Variants in SPTLC1 observed in about 807,000 individuals in gnomAD.
The protein encoded by SPTLC1 is serine palmitoyltransferase 1.
Under a neutral mutation model 68.9 loss-of-function variants are expected in SPTLC1, and 55 were observed. The observed-to-expected ratio is 0.80, with a 90% confidence interval of 0.64 to 1.00. SPTLC1 has a LOEUF of 1.00. Among genes scored for constraint, SPTLC1 ranks in the 50% least tolerant of loss-of-function variants. SPTLC1 has a pLI of 0.00. For missense variants in SPTLC1, 449 were observed against 573.1 expected, an observed-to-expected ratio of 0.78 and a Z score of 2.21; for synonymous variants, 197 against 201.6, an observed-to-expected ratio of 0.98 and a Z score of 0.19.
chr9:92,103,140 A>T (rs1835819867), intron 3 of SPTLC1, among the ~76,000 whole-genome samples: 1 of 152,208 alleles, frequency 6.6e-6, no homozygotes, highest in Non-Finnish European at 1.5e-5. Flanking sequence ...CCACTGGCAA[A>T]TTTCTTTTAG....
At position 92,059,214 on chromosome 9, in the gene SPTLC1, G is replaced by A. The variant is rs758622840; in HGVS notation, c.655C>T (p.Arg219Ter). The change falls in exon 7 of 15, where the codon CGA (arginine) becomes TGA (stop). Residue 219 changes from arginine (R) to a stop codon, truncating the protein, a stop_gained. Coordinates refer to ENST00000262554, the MANE Select transcript of SPTLC1 (RefSeq NM_006415.4). LOFTEE classifies it high-confidence loss of function. The stretch of plus-strand genomic sequence containing the variant: ...TCGATCTCTTGTTCTTTTAGTAGTC[G>A]CTCGAGGTCAGCCATGTCATTATGC... ...FKHNDMADLERLLKEQEIEDQ... is the reference protein window; with the variant it reads ...FKHNDMADLE The A allele has an allele frequency of 6.2e-6, 10 of 1,613,784 alleles. No homozygotes were observed. Among genetic ancestry groups the A allele is most frequent in the Non-Finnish European group, 7.6e-6 (9 of 1,179,900 alleles).
At chr9:92,038,541 C>A (rs1833229155) in intron 12 of SPTLC1, 176 bp from the exon 13 acceptor site, 1 of 661,756 alleles carries the variant, frequency 1.5e-6, no homozygotes, top group Non-Finnish European at 2.8e-6. Context: ...GCACTCTGGG[C>A]AGTGCTTCCT....
intron 3 of SPTLC1, among the ~76,000 whole-genome samples, chr9:92,087,986 A>G (rs1028244586): frequency 6.6e-6 from 1 of 152,138 alleles, no homozygotes; most frequent in African/African-American, 2.4e-5. Context: ...GCCGCCTTGC[A>G]GTTTGATCTC....
At chr9:92,052,429 A>C (rs1345196172) in intron 8 of SPTLC1, among the ~76,000 whole-genome samples, 4 of 152,230 alleles carry the variant, frequency 2.6e-5, no homozygotes, top group Non-Finnish European at 5.9e-5. Context: ...AAATGAACTC[A>C]AATGAACTAC....
intron 9 of SPTLC1, among the ~76,000 whole-genome samples, chr9:92,049,117 G>T (rs912055428): frequency 6.6e-6 from 1 of 152,170 alleles, no homozygotes; most frequent in South Asian, 2.1e-4. Flanking sequence ...CTGCCTTGGA[G>T]GAGGTGCTTC....
intron 6 of SPTLC1, among the ~76,000 whole-genome samples, chr9:92,060,002 C>A (rs1204308110): frequency 1.3e-5 from 2 of 152,178 alleles, no homozygotes; most frequent in Non-Finnish European, 2.9e-5. Context: ...TCCACCTGCA[C>A]TTGGGAGTAG....
intron 3 of SPTLC1, chr9:92,108,065 T>C (rs1041423600): frequency 1.3e-5 from 2 of 152,378 alleles, no homozygotes; most frequent in Non-Finnish European, 2.9e-5. Flanking sequence ...TAATATTGTA[T>C]TTACCTGTAA....
intron 3 of SPTLC1, among the ~76,000 whole-genome samples, chr9:92,097,591 T>G (rs1251648485): frequency 6.6e-6 from 1 of 152,240 alleles, no homozygotes; most frequent in Non-Finnish European, 1.5e-5. Flanking sequence ...AAGTATTGTT[T>G]ATTCCTTTTA....
intron 11 of SPTLC1, among the ~76,000 whole-genome samples, 159 bp downstream of exon 11, chr9:92,047,013 C>A (rs1238460612): frequency 2.0e-5 from 3 of 152,190 alleles, no homozygotes; most frequent in African/African-American, 7.2e-5. Context: ...GTCCTTGGGG[C>A]AGGAATAGCT....
chr9:92,038,025 C>T (rs7027257), intron 13 of SPTLC1, among the ~76,000 whole-genome samples: 24,324 of 152,186 alleles, frequency 0.16, 2,828 homozygotes, highest in African/African-American at 0.33. Context: ...GGGAGCCACA[C>T]ATTGACCCAA....
intron 9 of SPTLC1, 56 bp downstream of exon 9, chr9:92,049,904 A>G (rs532418688): frequency 1.8e-6 from 2 of 1,127,522 alleles, no homozygotes; most frequent in South Asian, 2.5e-5. Flanking sequence ...GCCTAGCAGA[A>G]TGGAACTACA....
chr9:92,105,801 C>T (rs1183832589), intron 3 of SPTLC1, among the ~76,000 whole-genome samples: 7 of 150,478 alleles, frequency 4.7e-5, no homozygotes, highest in African/African-American at 9.8e-5. Flanking sequence ...TCTGCCTTGC[C>T]GCCGTCCTGT....
At chr9:92,085,684 G>A (rs1835093734) in intron 3 of SPTLC1, among the ~76,000 whole-genome samples, 1 of 151,606 alleles carries the variant, frequency 6.6e-6, no homozygotes, top group Non-Finnish European at 1.5e-5. Context: ...TTTTGGAATA[G>A]GTGTGGTGTG....
chr9:92,101,077 C>T (rs981184249), intron 3 of SPTLC1, among the ~76,000 whole-genome samples: 4 of 152,098 alleles, frequency 2.6e-5, no homozygotes, highest in African/African-American at 9.7e-5. Flanking sequence ...ACCAAAGTTG[C>T]ACAATAATTC....
chr9:92,036,138 A>C (rs1564079784), intron 13 of SPTLC1, among the ~76,000 whole-genome samples: 1 of 152,206 alleles, frequency 6.6e-6, no homozygotes. Flanking sequence ...GGGAAGATAT[A>C]TGTATTTTTT....
At chr9:92,078,527 C>T (rs1249581973) in intron 5 of SPTLC1, among the ~76,000 whole-genome samples, 1 of 152,222 alleles carries the variant, frequency 6.6e-6, no homozygotes, top group Admixed American at 6.5e-5. Flanking sequence ...GGTGTGAACA[C>T]GGCTCATTAC....
chr9:92,108,528 C>A, intron 3 of SPTLC1: 2 of 577,890 alleles, frequency 3.5e-6, no homozygotes, highest in East Asian at 3.6e-5. Context: ...GAAAAAAGGG[C>A]AAACATTAAT....
intron 1 of SPTLC1, among the ~76,000 whole-genome samples, chr9:92,114,581 C>A (rs13299529): frequency 0.023 from 3,423 of 151,940 alleles, 48 homozygotes; most frequent in South Asian, 0.048. Context: ...AATAAAAATA[C>A]AAAATTGGCC....
chr9:92,068,827 C>G (rs757330582), intron 5 of SPTLC1, among the ~76,000 whole-genome samples: 8 of 152,260 alleles, frequency 5.3e-5, no homozygotes, highest in African/African-American at 1.9e-4. Flanking sequence ...TGCCCTCGGA[C>G]GGAGGACCAG....
Sources: gnomAD v4.1 joint callset for allele counts (sites outside exome capture counted in the v4.1 genomes callset) on GRCh38, gnomAD v4.1.1 for gene constraint, MANE v1.5 for transcripts, NCBI Gene and HGNC (gene_info 2026-07-23, HGNC 2026-07-21) for gene names.